FSHR: variants seen among roughly 807,000 people sequenced by gnomAD.
The protein encoded by FSHR is follicle stimulating hormone receptor.
Under a neutral mutation model 52.1 loss-of-function variants are expected in FSHR, and 46 were observed. That is an observed-to-expected ratio of 0.88 (90% CI 0.70 to 1.13). The LOEUF (loss-of-function observed/expected upper bound fraction) is 1.13. Ranked by LOEUF, FSHR falls within the 50% of genes most tolerant of loss-of-function variation. The pLI is 0.00. For missense variants in FSHR, 964 were observed against 834.6 expected (o/e 1.16, Z -1.91); for synonymous variants, 399 against 309.6 (o/e 1.29, Z -3.03).
intron 1 of FSHR, among the ~76,000 whole-genome samples, chr2:49,127,604 T>A: frequency 6.6e-6 from 1 of 151,876 alleles, no homozygotes. Context: ...GGCACAGGTC[T>A]ACTGACATCC....
intron 4 of FSHR, among the ~76,000 whole-genome samples, chr2:48,996,097 A>T (rs1188171036): frequency 6.6e-6 from 1 of 152,144 alleles, no homozygotes; most frequent in Non-Finnish European, 1.5e-5. Flanking sequence ...TTTGAAGTTG[A>T]ACTCTTTTCT....
chr2:49,129,520 A>T (rs1229835335), intron 1 of FSHR, among the ~76,000 whole-genome samples: 2 of 152,198 alleles, frequency 1.3e-5, no homozygotes, highest in Non-Finnish European at 2.9e-5. Flanking sequence ...GTCCTCACTG[A>T]TGTGAGCAGC....
At position 49,048,210 on chromosome 2, in the gene FSHR, T is replaced by G. The variant is rs1668728707; in HGVS notation, c.224+20009A>C. The stretch of plus-strand genomic sequence containing the variant: ...CTGTATAGCTTAAATTGATACAATT[T>G]TTATATGTCAATCATACCTCAAGAA... On this transcript the variant is annotated intron_variant, in intron 2 of 9. Transcript: ENST00000406846. Among the ~76,000 whole-genome samples the G allele has an allele frequency of 2.0e-5, 3 of 152,156 alleles. No homozygotes were observed. In the South Asian group the frequency reaches 6.2e-4, roughly 32 times the overall value.
At chr2:48,968,241 T>C (rs1674566545) in intron 9 of FSHR, among the ~76,000 whole-genome samples, 1 of 152,148 alleles carries the variant, frequency 6.6e-6, no homozygotes, top group South Asian at 2.1e-4. Context: ...TAGAGAGGCT[T>C]AGAGTGATTG....
At chr2:49,059,233 G>A (rs1273636658) in intron 2 of FSHR, among the ~76,000 whole-genome samples, 2 of 151,454 alleles carry the variant, frequency 1.3e-5, no homozygotes, top group Non-Finnish European at 2.9e-5. Flanking sequence ...AAATAAAACA[G>A]CCAACAACAA....
rs373195880 is a variant in FSHR at position 49,013,463 on chromosome 2, A to AATATATATATATATATATAAATAAATAT, written c.374+4025_374+4026insATATTTATTTATATATATATATATATAT. On this transcript the variant is annotated intron_variant, in intron 4 of 9. Coordinates refer to ENST00000406846, the MANE Select transcript of FSHR (RefSeq NM_000145.4). ...AGTCTTAGCCCTGAATATATATATA[A>AATATATATATATATATATAAATAAATAT]ATATATATATATATATAAATAAATA... Among the ~76,000 whole-genome samples, 11 of 133,256 alleles carry AATATATATATATATATATAAATAAATAT rather than the reference A, an allele frequency of 8.3e-5. No individual in the cohort carries two copies. The South Asian group carries it at 2.6e-3, about 32-fold the overall frequency. 87.4% of individuals were successfully genotyped at this position (133,256 alleles called of 152,430 possible). A position where few individuals can be genotyped will look rare whatever the true frequency, so the allele number is the denominator to read the frequency against.
chr2:49,032,506 G>A (rs962263650), intron 2 of FSHR, among the ~76,000 whole-genome samples: 6 of 152,210 alleles, frequency 3.9e-5, no homozygotes, highest in African/African-American at 1.4e-4. Context: ...CCTTCAAGGA[G>A]CATCTAACTT....
chr2:49,005,977 G>C (rs1033748725), intron 4 of FSHR, among the ~76,000 whole-genome samples: 4 of 152,084 alleles, frequency 2.6e-5, no homozygotes, highest in Non-Finnish European at 5.9e-5. Flanking sequence ...CTATAAAGCA[G>C]GCAGAAAAAA....
At chr2:48,972,082 C>T (rs1674766069) in intron 8 of FSHR, among the ~76,000 whole-genome samples, 1 of 152,174 alleles carries the variant, frequency 6.6e-6, no homozygotes, top group Non-Finnish European at 1.5e-5. Flanking sequence ...CTTATAATCT[C>T]CACTTAGTTG....
rs117267698 is a variant in FSHR, at chr2:48,990,331, T to G, written c.446+235A>C. Among the ~76,000 whole-genome samples the G allele has an allele frequency of 6.6e-4, 100 of 152,310 alleles. 1 individual carries two copies. In the East Asian group the frequency reaches 0.018, roughly 27 times the overall value. On this transcript the variant is annotated intron_variant, in intron 5 of 9. Coordinates refer to ENST00000406846, the MANE Select transcript of FSHR (RefSeq NM_000145.4). ...TGAGCCACTTTTTGATTTTGCTACA[T>G]GCTGGTTTTGTGAACAATACTCTTA...
At chr2:48,971,643 T>C (rs1414335509) in intron 8 of FSHR, among the ~76,000 whole-genome samples, 2 of 152,210 alleles carry the variant, frequency 1.3e-5, no homozygotes, top group Non-Finnish European at 2.9e-5. Flanking sequence ...ATCTCCTATA[T>C]ACTTACTGAT....
At chr2:48,993,012 T>C (rs1675855833) in intron 4 of FSHR, among the ~76,000 whole-genome samples, 1 of 152,306 alleles carries the variant, frequency 6.6e-6, no homozygotes, top group Non-Finnish European at 1.5e-5. Flanking sequence ...CTCTCTTTTC[T>C]ATTGGTTTCT....
chr2:49,087,327 A>G (rs1201272918), intron 1 of FSHR, among the ~76,000 whole-genome samples: 1 of 152,032 alleles, frequency 6.6e-6, no homozygotes, highest in East Asian at 1.9e-4. Context: ...GTAAAGAAGA[A>G]GAGCATTGGA....
chr2:48,965,246 C>G (rs952909254), intron 9 of FSHR, among the ~76,000 whole-genome samples: 9 of 152,096 alleles, frequency 5.9e-5, no homozygotes, highest in Admixed American at 3.3e-4. Context: ...AGGGACTGAA[C>G]CTTGCCCCAT....
intron 2 of FSHR, among the ~76,000 whole-genome samples, chr2:49,030,427 G>C (rs992741251): frequency 6.6e-6 from 1 of 151,972 alleles, no homozygotes; most frequent in Non-Finnish European, 1.5e-5. Context: ...GTAACAAATG[G>C]CTTCCCCAAA....
At chr2:49,151,304 G>C (rs1258561186) in intron 1 of FSHR, among the ~76,000 whole-genome samples, 1 of 151,914 alleles carries the variant, frequency 6.6e-6, no homozygotes, top group African/African-American at 2.4e-5. Flanking sequence ...TTTGTGCTTT[G>C]GTTTGTCTTA....
At chr2:49,107,681 T>C (rs1453558880) in intron 1 of FSHR, among the ~76,000 whole-genome samples, 1 of 152,202 alleles carries the variant, frequency 6.6e-6, no homozygotes, top group Admixed American at 6.5e-5. Flanking sequence ...GTAGGCTTTA[T>C]ATTCTTATGT....
At chr2:49,075,439 TAAAC>T (rs200122729) in intron 1 of FSHR, among the ~76,000 whole-genome samples, 21,551 of 151,668 alleles carry the variant, frequency 0.14, 1,527 homozygotes, top group East Asian at 0.19. Context: ...AAAATAACAA[TAAAC>T]AAGATCAACA....
chr2:48,975,618 T>A (rs533380480), intron 8 of FSHR, among the ~76,000 whole-genome samples: 1 of 152,264 alleles, frequency 6.6e-6, no homozygotes, highest in East Asian at 1.9e-4. Context: ...TCCATAGCCA[T>A]GTGAGCCAAT....
Sources: gnomAD v4.1 joint callset for allele counts (sites outside exome capture counted in the v4.1 genomes callset) on GRCh38, gnomAD v4.1.1 for gene constraint, MANE v1.5 for transcripts, NCBI Gene and HGNC (gene_info 2026-07-23, HGNC 2026-07-21) for gene names.